The following CHST11 variants were observed in gnomAD, a reference collection of about 807,000 sequenced individuals.
The protein encoded by CHST11 is carbohydrate sulfotransferase 11.
Under a neutral mutation model 30.4 loss-of-function variants are expected in CHST11, and 9 were observed. The ratio of observed to expected loss-of-function variants is 0.30; its 90% CI spans 0.18 to 0.52. CHST11 has a LOEUF of 0.52. Ranked by LOEUF, CHST11 falls within the 20% of genes least tolerant of loss-of-function variation. The pLI, the probability that CHST11 is intolerant of heterozygous loss-of-function variation, is 0.97. For synonymous variants in CHST11, 152 were observed against 187.8 expected (o/e 0.81, Z 1.56); for missense variants, 348 against 460.6 (o/e 0.76, Z 2.24).
chr12:104,467,222 A>G (rs532419319), intron 1 of CHST11, among the ~76,000 whole-genome samples: 1 of 152,348 alleles, frequency 6.6e-6, no homozygotes, highest in Non-Finnish European at 1.5e-5. Flanking sequence ...CATAACTGAC[A>G]TGTAATTTGA....
At chr12:104,603,514 A>T (rs1165225605) in intron 2 of CHST11, among the ~76,000 whole-genome samples, 1 of 152,192 alleles carries the variant, frequency 6.6e-6, no homozygotes, top group African/African-American at 2.4e-5. Context: ...AATACTTGTG[A>T]TTCAAAACAT....
rs151316233 is a variant in CHST11 at position 104,673,823 on chromosome 12, G to T, written c.204+71832G>T. On this transcript the variant is annotated intron_variant, in intron 2 of 2. Coordinates refer to ENST00000303694, the MANE Select transcript of CHST11 (RefSeq NM_018413.6). ...GTCTGGCAGAACATTCCCTGGAAGGGCTGCTGAAAGATTAAATGTGGTCAG... is the reference window on the plus strand; with the variant it reads ...GTCTGGCAGAACATTCCCTGGAAGGTCTGCTGAAAGATTAAATGTGGTCAG... Among the ~76,000 whole-genome samples the T allele has an allele frequency of 1.7e-3, 257 of 152,326 alleles. 2 individuals carry two copies. Among genetic ancestry groups the T allele is most frequent in the African/African-American group, 5.5e-3 (230 of 41,566 alleles).
At chr12:104,565,258 A>ATGTTTTTT (rs2038550995) in intron 1 of CHST11, among the ~76,000 whole-genome samples, 1 of 72,916 alleles carries the variant, frequency 1.4e-5, no homozygotes, top group Non-Finnish European at 2.5e-5. Flanking sequence ...GTTTTCTAGG[A>ATGTTTTTT]TTTTTTTTTT....
At chr12:104,755,681 G>C (rs1283758581) in intron 2 of CHST11, among the ~76,000 whole-genome samples, 1 of 152,222 alleles carries the variant, frequency 6.6e-6, no homozygotes, top group African/African-American at 2.4e-5. Context: ...AGCTACTCGG[G>C]GGGCTGAGGC....
chr12:104,702,766 T>C (rs2040000150), intron 2 of CHST11, among the ~76,000 whole-genome samples: 2 of 152,234 alleles, frequency 1.3e-5, no homozygotes, highest in Non-Finnish European at 2.9e-5. Flanking sequence ...CTGCTATTCA[T>C]CTGAGCTGAT....
At chr12:104,639,161 T>G (rs7971034) in intron 2 of CHST11, among the ~76,000 whole-genome samples, 20,509 of 152,228 alleles carry the variant, frequency 0.13, 2,807 homozygotes, top group African/African-American at 0.35. Flanking sequence ...CTGATTAATA[T>G]GCTTTGAAAT....
intron 1 of CHST11, among the ~76,000 whole-genome samples, chr12:104,593,167 G>T (rs1432436727): frequency 6.6e-6 from 1 of 152,150 alleles, no homozygotes; most frequent in Non-Finnish European, 1.5e-5. Flanking sequence ...CCTTCTACAG[G>T]CTGGGCGTCG....
intron 1 of CHST11, among the ~76,000 whole-genome samples, chr12:104,506,558 A>G (rs2037907029): frequency 2.0e-5 from 3 of 152,208 alleles, no homozygotes; most frequent in African/African-American, 7.2e-5. Flanking sequence ...TCGATTCATT[A>G]GGGCCAGGAT....
At chr12:104,747,071 C>T (rs948862818) in intron 2 of CHST11, among the ~76,000 whole-genome samples, 7 of 152,238 alleles carry the variant, frequency 4.6e-5, no homozygotes, top group African/African-American at 7.2e-5. Context: ...GAGTCCCACC[C>T]GGGCAGCCTC....
At chr12:104,666,492 G>C (rs1174910210) in intron 2 of CHST11, among the ~76,000 whole-genome samples, 1 of 152,122 alleles carries the variant, frequency 6.6e-6, no homozygotes, top group Non-Finnish European at 1.5e-5. Context: ...ATTTCCTTCC[G>C]TTGTTCTTGG....
intron 2 of CHST11, among the ~76,000 whole-genome samples, chr12:104,655,808 G>A (rs886560238): frequency 4.6e-5 from 7 of 152,206 alleles, no homozygotes; most frequent in South Asian, 2.1e-4. Flanking sequence ...ATAGGTGACA[G>A]AGAGTTCTTC....
At chr12:104,553,238 G>A (rs1378916267) in intron 1 of CHST11, 1 of 152,326 alleles carries the variant, frequency 6.6e-6, no homozygotes, top group Non-Finnish European at 1.5e-5. Flanking sequence ...ATGATGAAAT[G>A]GTGGTGGTGG....
chr12:104,573,057 T>C lies in CHST11; in HGVS notation c.119-28849T>C, dbSNP rs533961793. Among the ~76,000 whole-genome samples, 613 of 152,296 alleles carry C rather than the reference T, an allele frequency of 4.0e-3. 3 individuals carry two copies. Among genetic ancestry groups the C allele is most frequent in the Middle Eastern group, 0.01 (3 of 294 alleles). ...CAATGTGCAAAAATCACAAGCATTCTTATACACCAATAACAGACAGAGAGC... is the reference window on the plus strand; with the variant it reads ...CAATGTGCAAAAATCACAAGCATTCCTATACACCAATAACAGACAGAGAGC... On this transcript the variant is annotated intron_variant, in intron 1 of 2. Coordinates refer to ENST00000303694, the MANE Select transcript of CHST11 (RefSeq NM_018413.6).
At chr12:104,488,493 ATG>A (rs1173726509) in intron 1 of CHST11, among the ~76,000 whole-genome samples, 4 of 144,320 alleles carry the variant, frequency 2.8e-5, no homozygotes, top group South Asian at 2.2e-4. Flanking sequence ...GAGTGTGTGT[ATG>A]TGTGTCCGTG....
chr12:104,657,791 G>C (rs1445072234), intron 2 of CHST11, among the ~76,000 whole-genome samples: 1 of 152,164 alleles, frequency 6.6e-6, no homozygotes, highest in Non-Finnish European at 1.5e-5. Context: ...CATTCTTGAG[G>C]GTCCCCAGGC....
chr12:104,706,891 A>G (rs566080056), intron 2 of CHST11, among the ~76,000 whole-genome samples: 41 of 152,274 alleles, frequency 2.7e-4, no homozygotes, highest in Non-Finnish European at 4.4e-4. Flanking sequence ...CTGAAAGGGG[A>G]GAGGAGAGAA....
chr12:104,543,887 G>A (rs1204686369), intron 1 of CHST11, among the ~76,000 whole-genome samples: 9 of 152,088 alleles, frequency 5.9e-5, no homozygotes, highest in Non-Finnish European at 5.9e-5. Context: ...CCAGCTACTC[G>A]GGAGGCCAAG....
chr12:104,726,115 A>G (rs764837923), intron 2 of CHST11, among the ~76,000 whole-genome samples: 10 of 152,242 alleles, frequency 6.6e-5, no homozygotes, highest in Non-Finnish European at 1.3e-4. Context: ...AAGACAACAG[A>G]GAGATAGCAG....
chr12:104,759,597 T>A lies in CHST11; in HGVS notation c.*1794T>A, dbSNP rs926133373. On this transcript the variant is annotated 3_prime_UTR_variant, in exon 3 of 3. Coordinates refer to ENST00000303694, the MANE Select transcript of CHST11 (RefSeq NM_018413.6). ...TTATTCACAGAAACTATTAAGATTGTATTGTAAAGCTCACAGCAAGCTCAG... is the reference window on the plus strand; with the variant it reads ...TTATTCACAGAAACTATTAAGATTGAATTGTAAAGCTCACAGCAAGCTCAG... 1.2e-4 allele frequency: 18 copies of A among 152,330 alleles called. No homozygotes were observed. The highest frequency in any genetic ancestry group is 4.3e-4 in the African/African-American group (18 of 41,570). 9.4% of individuals were successfully genotyped at this position (152,330 alleles called of 1,614,324 possible).
Sources: allele counts gnomAD v4.1 joint callset (sites outside exome capture counted in the v4.1 genomes callset), GRCh38; gene constraint gnomAD v4.1.1; transcripts MANE v1.5; gene names NCBI Gene and HGNC (gene_info 2026-07-23, HGNC 2026-07-21).